Variants in KDM4B observed in about 807,000 individuals in gnomAD.
KDM4B encodes lysine-specific demethylase 4B.
A neutral mutation model predicts 125.2 loss-of-function variants in KDM4B; 32 were observed. The ratio of observed to expected loss-of-function variants is 0.26; its 90% CI spans 0.19 to 0.34. The LOEUF (loss-of-function observed/expected upper bound fraction) is 0.34. Among genes scored for constraint, KDM4B ranks in the 10% least tolerant of loss-of-function variants. The pLI is 1.00. For synonymous variants in KDM4B, 721 were observed against 677.9 expected (o/e 1.06, Z -0.99); for missense variants, 1,190 against 1,577.7 (o/e 0.75, Z 4.16).
chr19:5,122,735 C>T (rs1358807668), intron 11 of KDM4B, among the ~76,000 whole-genome samples: 2 of 152,200 alleles, frequency 1.3e-5, no homozygotes, highest in Non-Finnish European at 2.9e-5. Context: ...GGCTCAGCCC[C>T]CCAAGGAAGA....
At chr19:5,146,737 G>A (rs1029924691) in intron 21 of KDM4B, among the ~76,000 whole-genome samples, 3 of 141,244 alleles carry the variant, frequency 2.1e-5, no homozygotes, top group Non-Finnish European at 3.1e-5. Flanking sequence ...GACCAGCCTG[G>A]GCAACAAAGT....
intron 9 of KDM4B, among the ~76,000 whole-genome samples, chr19:5,092,819 C>T (rs912575383): frequency 2.0e-5 from 3 of 152,204 alleles, no homozygotes; most frequent in Non-Finnish European, 4.4e-5. Flanking sequence ...TCTGCCATCT[C>T]AGGGCATCCC....
Position 5,124,265 on chromosome 19 carries a change from G to A in KDM4B, c.1315+4413G>A, listed in dbSNP as rs375583439. On this transcript the variant is annotated intron_variant, in intron 11 of 22. Coordinates refer to ENST00000159111, the MANE Select transcript of KDM4B (RefSeq NM_015015.3). ...TTGATGGACCCTTCAGGAGGGCAGA[G>A]ATAAGAGGACACGCATCCTCCCCAG... Among the ~76,000 whole-genome samples, 7 of 152,010 alleles carry A rather than the reference G, an allele frequency of 4.6e-5. No individual in the cohort carries two copies. The East Asian group carries it at 1.4e-3, about 29-fold the overall frequency.
chr19:5,100,694 C>T (rs761105241), intron 9 of KDM4B, among the ~76,000 whole-genome samples: 13 of 152,122 alleles, frequency 8.5e-5, no homozygotes, highest in East Asian at 5.8e-4. Context: ...GGGATTAAGG[C>T]GTGAGCCACC....
intron 15 of KDM4B, among the ~76,000 whole-genome samples, chr19:5,136,474 G>C (rs1211162161): frequency 2.0e-5 from 3 of 152,162 alleles, no homozygotes; most frequent in Non-Finnish European, 4.4e-5. Context: ...CCTGCCTGGG[G>C]GCTCGCGTTG....
intron 21 of KDM4B, among the ~76,000 whole-genome samples, chr19:5,149,552 G>A (rs906486485): frequency 6.6e-6 from 1 of 152,250 alleles, no homozygotes; most frequent in Non-Finnish European, 1.5e-5. Flanking sequence ...GTCAGGCCCA[G>A]GGAGTGACCC....
chr19:5,030,063 G>A (rs528436618), intron 2 of KDM4B, among the ~76,000 whole-genome samples: 18 of 152,336 alleles, frequency 1.2e-4, no homozygotes, highest in Middle Eastern at 3.4e-3. Context: ...TTCCAGACGA[G>A]CCCCCGCAAC....
chr19:5,069,048 A>C (rs2037864638), intron 6 of KDM4B, among the ~76,000 whole-genome samples: 1 of 152,186 alleles, frequency 6.6e-6, no homozygotes, highest in Non-Finnish European at 1.5e-5. Flanking sequence ...TAATCCCACA[A>C]AGGTGCTTTG....
At chr19:5,036,717 G>T (rs917692064) in intron 3 of KDM4B, among the ~76,000 whole-genome samples, 2 of 152,264 alleles carry the variant, frequency 1.3e-5, no homozygotes, top group Non-Finnish European at 2.9e-5. Context: ...TGGAAGACCC[G>T]AGTGTGGCAG....
chr19:5,006,931 C>T (rs1168510579), intron 1 of KDM4B, among the ~76,000 whole-genome samples: 1 of 152,090 alleles, frequency 6.6e-6, no homozygotes, highest in African/African-American at 2.4e-5. Context: ...GGAAGTGACT[C>T]AACGAGGAGC....
chr19:5,084,463 AT>A (rs979780855), intron 9 of KDM4B, among the ~76,000 whole-genome samples: 8 of 138,576 alleles, frequency 5.8e-5, no homozygotes, highest in East Asian at 2.0e-4. Context: ...TAATTTATAT[AT>A]TATATATAAA....
intron 11 of KDM4B, among the ~76,000 whole-genome samples, chr19:5,124,293 C>T (rs921118279): frequency 6.6e-6 from 1 of 152,140 alleles, no homozygotes; most frequent in Non-Finnish European, 1.5e-5. Context: ...CTCCCCAGGC[C>T]GGCGCGGTGG....
chr19:5,122,197 T>C (rs2039373482), intron 11 of KDM4B, among the ~76,000 whole-genome samples: 1 of 152,178 alleles, frequency 6.6e-6, no homozygotes, highest in Admixed American at 6.5e-5. Context: ...TCTCAGTGTC[T>C]AGAGGCGCCC....
chr19:5,147,790 G>T (rs887058639), intron 21 of KDM4B, among the ~76,000 whole-genome samples: 3 of 152,102 alleles, frequency 2.0e-5, no homozygotes, highest in South Asian at 2.1e-4. Context: ...CTCGGGGCGG[G>T]GGGGCAGAGG....
chr19:5,132,508 A>G (rs1449914439), intron 13 of KDM4B, among the ~76,000 whole-genome samples: 1 of 151,834 alleles, frequency 6.6e-6, no homozygotes, highest in Non-Finnish European at 1.5e-5. Flanking sequence ...AATGGTCTGG[A>G]TGGCGTCTTT....
intron 10 of KDM4B, 68 bp from the exon 11 acceptor site, chr19:5,119,585 A>G (rs772035136): frequency 1.9e-5 from 27 of 1,425,374 alleles, no homozygotes; most frequent in Non-Finnish European, 2.6e-5. Flanking sequence ...GCTGCCGGAC[A>G]GAGTGCACAG....
At chr19:5,040,390 A>G (rs1027008026) in intron 4 of KDM4B, among the ~76,000 whole-genome samples, 5 of 152,074 alleles carry the variant, frequency 3.3e-5, no homozygotes, top group African/African-American at 9.7e-5. Flanking sequence ...CAGACACAGA[A>G]CACACGAGGG....
chr19:5,002,938 G>A lies in KDM4B; in HGVS notation c.-108-13319G>A, dbSNP rs185789905. ...TGTACTCCAGCCTGAGTGACAGAGC[G>A]AGACCCTGTCTCAACAAAAGTCACA... On this transcript the variant is annotated intron_variant, in intron 1 of 22. Coordinates refer to ENST00000159111, the MANE Select transcript of KDM4B (RefSeq NM_015015.3). 8.0e-4 allele frequency among the ~76,000 whole-genome samples: 122 copies of A among 152,198 alleles called. 2 individuals carry two copies. The highest frequency in any genetic ancestry group is 3.9e-4 in the East Asian group (2 of 5,144).
rs1360209357 is a variant in KDM4B at position 5,051,181 on chromosome 19, G to T, written c.626+3512G>T. ...TTCCAGGCCGGGGTGGGAGGATGTT[G>T]GGTCTCGGCCAGCCCTGAGAGAGTT... On this transcript the variant is annotated intron_variant, in intron 6 of 22. Coordinates refer to ENST00000159111, the MANE Select transcript of KDM4B (RefSeq NM_015015.3). Among the ~76,000 whole-genome samples the T allele has an allele frequency of 3.3e-5, 5 of 152,368 alleles. No individual in the cohort carries two copies. The South Asian group carries it at 1.0e-3, about 32-fold the overall frequency.
Sources: gnomAD v4.1 joint callset for allele counts (sites outside exome capture counted in the v4.1 genomes callset) on GRCh38, gnomAD v4.1.1 for gene constraint, MANE v1.5 for transcripts, NCBI Gene and HGNC (gene_info 2026-07-23, HGNC 2026-07-21) for gene names.